ZDHHC17: variants seen among roughly 807,000 people sequenced by gnomAD.
ZDHHC17 encodes zDHHC palmitoyltransferase 17.
Under a neutral mutation model 90.3 loss-of-function variants are expected in ZDHHC17, and 40 were observed. The observed-to-expected ratio is 0.44, with a 90% CI of 0.34 to 0.58. The LOEUF (loss-of-function observed/expected upper bound fraction) is 0.58. Among genes scored for constraint, ZDHHC17 ranks in the 20% least tolerant of loss-of-function variants. ZDHHC17 has a pLI of 0.01. For missense variants in ZDHHC17, 614 were observed against 780.8 expected, an observed-to-expected ratio of 0.79 and a Z score of 2.55; for synonymous variants, 235 against 252.4, an observed-to-expected ratio of 0.93 and a Z score of 0.65.
chr12:76,768,755 A>G (rs1952459249), intron 1 of ZDHHC17, among the ~76,000 whole-genome samples: 1 of 152,154 alleles, frequency 6.6e-6, no homozygotes, highest in Non-Finnish European at 1.5e-5. Flanking sequence ...ATAGAATGAG[A>G]TCACAATATC....
At chr12:76,788,838 A>G (rs752495546) in intron 1 of ZDHHC17, among the ~76,000 whole-genome samples, 7 of 151,768 alleles carry the variant, frequency 4.6e-5, no homozygotes, top group Non-Finnish European at 1.0e-4. Context: ...CTGGGATTAC[A>G]GACATGCACC....
At chr12:76,842,771 C>A in intron 11 of ZDHHC17, 148 bp from the exon 12 acceptor site, 1 of 571,848 alleles carries the variant, frequency 1.7e-6, no homozygotes, top group Non-Finnish European at 3.0e-6. Context: ...AATGAAATAG[C>A]AGTAAATAAA....
Position 76,810,347 on chromosome 12 carries a change from A to G in ZDHHC17, c.543+490A>G, listed in dbSNP as rs183781115. Reference sequence around the variant, plus strand: ...GATTTTTCTTGAGTGTGCAGTGACCATAATCACATTAAATATTACCAGTTT... The same window carrying G: ...GATTTTTCTTGAGTGTGCAGTGACCGTAATCACATTAAATATTACCAGTTT... On this transcript the variant is annotated intron_variant, in intron 5 of 16. Coordinates refer to ENST00000426126, the MANE Select transcript of ZDHHC17 (RefSeq NM_015336.4). Among the ~76,000 whole-genome samples the G allele has an allele frequency of 3.1e-3, 468 of 152,268 alleles. 2 individuals are homozygous for G. The highest frequency in any genetic ancestry group is 5.3e-3 in the Non-Finnish European group (358 of 68,002).
chr12:76,785,874 A>G (rs1421387379), intron 1 of ZDHHC17, among the ~76,000 whole-genome samples: 1 of 152,096 alleles, frequency 6.6e-6, no homozygotes, highest in African/African-American at 2.4e-5. Context: ...AACTGGGACC[A>G]CTTCATGAAG....
In ZDHHC17 at chr12:76,764,164, G is replaced by A. The variant is rs1592451328; in HGVS notation, c.-73G>A. On this transcript the variant is annotated 5_prime_UTR_variant, in exon 1 of 17. Coordinates refer to ENST00000426126, the MANE Select transcript of ZDHHC17 (RefSeq NM_015336.4). ...GGAGGAGGCCCGCGTCGCCTCCGGC[G>A]GGGCTCGCGCTCGCCCCGCGCTCGC... is the stretch of plus-strand genomic sequence containing the variant. The A allele has an allele frequency of 1.7e-6, 2 of 1,207,964 alleles. No homozygotes were observed. Among genetic ancestry groups the A allele is most frequent in the Non-Finnish European group, 2.3e-6 (2 of 884,402 alleles). 74.8% of individuals were successfully genotyped at this position (1,207,964 alleles called of 1,614,324 possible).
chr12:76,814,933 A>G (rs1953065954), intron 5 of ZDHHC17, among the ~76,000 whole-genome samples: 1 of 152,014 alleles, frequency 6.6e-6, no homozygotes, highest in Non-Finnish European at 1.5e-5. Flanking sequence ...ACATCTTAAA[A>G]GGGAATAATG....
At chr12:76,781,808 C>A in intron 1 of ZDHHC17, 1 of 384,726 alleles carries the variant, frequency 2.6e-6, no homozygotes, top group Admixed American at 3.1e-5. Context: ...TACCATTTAG[C>A]AATTACATTG....
At position 76,772,629 on chromosome 12, in the gene ZDHHC17, G is replaced by A. The variant is rs564704133; in HGVS notation, c.93+8300G>A. ...AGCTCACTACAACCTCTGCCTCCCA[G>A]GTTCAAGCAGTTCTTCTGCCTCAGC... On this transcript the variant is annotated intron_variant, in intron 1 of 16. Transcript: ENST00000426126. 3.5e-4 allele frequency among the ~76,000 whole-genome samples: 53 copies of A among 149,398 alleles called. No individual in the cohort carries two copies. In the South Asian group the frequency reaches 0.011, roughly 32 times the overall value.
chr12:76,803,474 T>C (rs147388851), intron 2 of ZDHHC17, among the ~76,000 whole-genome samples: 2 of 152,230 alleles, frequency 1.3e-5, no homozygotes, highest in Non-Finnish European at 2.9e-5. Flanking sequence ...TATACCCACA[T>C]CATAAACGTC....
chr12:76,821,946 G>A (rs1953167290), intron 7 of ZDHHC17, among the ~76,000 whole-genome samples: 1 of 152,114 alleles, frequency 6.6e-6, no homozygotes, highest in Non-Finnish European at 1.5e-5. Flanking sequence ...TAGAAGTAGA[G>A]ACTGACTTTT....
chr12:76,800,564 T>C (rs1952873660), intron 2 of ZDHHC17, among the ~76,000 whole-genome samples: 1 of 152,198 alleles, frequency 6.6e-6, no homozygotes, highest in Non-Finnish European at 1.5e-5. Context: ...AATTGTTGTA[T>C]CTTCTTGCTG....
intron 1 of ZDHHC17, among the ~76,000 whole-genome samples, chr12:76,767,344 T>A (rs957910758): frequency 2.0e-5 from 3 of 152,238 alleles, no homozygotes; most frequent in African/African-American, 7.2e-5. Context: ...AGCAGATGAA[T>A]TATTTGTGGG....
intron 1 of ZDHHC17, among the ~76,000 whole-genome samples, chr12:76,788,374 A>G (rs1952716552): frequency 6.6e-6 from 1 of 152,200 alleles, no homozygotes; most frequent in Admixed American, 6.5e-5. Flanking sequence ...AACTGAAAAT[A>G]TTTCATGAAT....
intron 8 of ZDHHC17, among the ~76,000 whole-genome samples, chr12:76,825,525 C>G (rs11115613): frequency 6.6e-6 from 1 of 151,834 alleles, no homozygotes; most frequent in Non-Finnish European, 1.5e-5. Context: ...AAAGTTCATA[C>G]TTATTAGAAA....
chr12:76,829,097 T>C lies in ZDHHC17; in HGVS notation c.1141+607T>C, dbSNP rs79316896. ...CGAGGATGCAGAGAAAAAGGAACGC[T>C]GTTGGTGGGAATGTAAATGAGTACA... On this transcript the variant is annotated intron_variant, in intron 10 of 16. Coordinates refer to ENST00000426126, the MANE Select transcript of ZDHHC17 (RefSeq NM_015336.4). Among the ~76,000 whole-genome samples the C allele has an allele frequency of 5.9e-3, 901 of 152,070 alleles. 9 individuals carry two copies. Among genetic ancestry groups the C allele is most frequent in the African/African-American group, 0.021 (858 of 41,534 alleles).
intron 1 of ZDHHC17, among the ~76,000 whole-genome samples, chr12:76,773,813 A>C (rs929041172): frequency 3.9e-5 from 6 of 152,182 alleles, no homozygotes; most frequent in African/African-American, 1.4e-4. Flanking sequence ...GGGAGGATTC[A>C]TTTTTAGCAG....
intron 10 of ZDHHC17, among the ~76,000 whole-genome samples, chr12:76,841,729 C>CA (rs1565806655): frequency 1.3e-5 from 2 of 151,812 alleles, no homozygotes; most frequent in Non-Finnish European, 2.9e-5. Context: ...TCATTTTTGT[C>CA]AAAAAATTAG....
chr12:76,849,568 A>T, intron 16 of ZDHHC17, 98 bp downstream of exon 16: 1 of 703,680 alleles, frequency 1.4e-6, no homozygotes, highest in Non-Finnish European at 2.3e-6. Flanking sequence ...TAGCTTTTAA[A>T]CCTTTTTAAG....
chr12:76,829,751 T>C (rs554172474), intron 10 of ZDHHC17, among the ~76,000 whole-genome samples: 1 of 152,328 alleles, frequency 6.6e-6, no homozygotes, highest in African/African-American at 2.4e-5. Context: ...GTTTCATCTC[T>C]TTTGCCTTCA....
Sources: gnomAD v4.1 joint callset for allele counts (sites outside exome capture counted in the v4.1 genomes callset) on GRCh38, gnomAD v4.1.1 for gene constraint, MANE v1.5 for transcripts, NCBI Gene and HGNC (gene_info 2026-07-23, HGNC 2026-07-21) for gene names.